Variants in SCARB1 observed in about 807,000 individuals in gnomAD.
SCARB1 encodes the protein scavenger receptor class B member 1.
A neutral mutation model predicts 57.2 loss-of-function variants in SCARB1; 30 were observed. The observed-to-expected ratio is 0.52, with a 90% CI of 0.39 to 0.71. The LOEUF is 0.71. Among genes scored for constraint, SCARB1 ranks in the 30% least tolerant of loss-of-function variants. SCARB1 has a pLI of 0.00. For missense variants in SCARB1, 543 were observed against 671.2 expected (o/e 0.81, Z 2.11); for synonymous variants, 249 against 268.3 (o/e 0.93, Z 0.70).
rs749126956 is a variant in SCARB1, at chr12:124,778,507, G to A, written c.*80C>T. ...GGGGGGCTGTCCGCTGGGAGAGTCC[G>A]GGAGAAGCGGGGTGTAGGGGCTGGG... On this transcript the variant is annotated 3_prime_UTR_variant, in exon 13 of 13. Coordinates refer to ENST00000261693, the MANE Select transcript of SCARB1 (RefSeq NM_005505.5). 1.0e-5 allele frequency: 14 copies of A among 1,357,908 alleles called. No individual in the cohort carries two copies. In the East Asian group the frequency reaches 1.8e-4, roughly 18 times the overall value. 84.1% of individuals were successfully genotyped at this position (1,357,908 alleles called of 1,614,324 possible).
At chr12:124,863,521 C>T in intron 1 of SCARB1, 74 bp downstream of exon 1, 2 of 1,515,634 alleles carry the variant, frequency 1.3e-6, no homozygotes, top group Non-Finnish European at 1.8e-6. Context: ...CACCGCAACG[C>T]GCGGGTCCTC....
intron 8 of SCARB1, among the ~76,000 whole-genome samples, chr12:124,799,148 T>G (rs2135592914): frequency 6.6e-6 from 1 of 152,350 alleles, no homozygotes; most frequent in East Asian, 1.9e-4. Flanking sequence ...TTGGCTTGAT[T>G]TAGGTATTCC....
rs1170462200 is a variant in SCARB1 at position 124,813,493 on chromosome 12, T to C, written c.630+709A>G. Among the ~76,000 whole-genome samples, 3 of 152,014 alleles carry C rather than the reference T, an allele frequency of 2.0e-5. No individual in the cohort carries two copies. In the East Asian group the frequency reaches 5.8e-4, roughly 29 times the overall value. ...CTACCGCTAGACTTTTCTTGTGAGG[T>C]TTTCATTATATGCAGTCAAACGTAG... On this transcript the variant is annotated intron_variant, in intron 4 of 12. Coordinates refer to ENST00000261693, the MANE Select transcript of SCARB1 (RefSeq NM_005505.5).
intron 1 of SCARB1, among the ~76,000 whole-genome samples, chr12:124,833,404 G>T (rs756575416): frequency 3.3e-5 from 5 of 152,052 alleles, no homozygotes; most frequent in Non-Finnish European, 4.4e-5. Context: ...TGCCCAAGCT[G>T]GTCTTCAACT....
rs1322292873 is a variant in SCARB1 at position 124,796,059 on chromosome 12, T to C, written c.1129-791A>G. ...ACCTCTGCCTCCTGAGTTCAAGCGA[T>C]TGTCCTGCCTCAGCCTCCCCAGTAG... On this transcript the variant is annotated intron_variant, in intron 8 of 12. Transcript: ENST00000261693. This position sits in a 1 kb window ranked among gnomAD's most constrained non-coding sequence, Gnocchi z 4.0. 6.6e-6 allele frequency among the ~76,000 whole-genome samples: 1 copy of C among 152,234 alleles called. No homozygotes were observed. The highest frequency in any genetic ancestry group is 1.5e-5 in the Non-Finnish European group (1 of 68,038).
intron 7 of SCARB1, among the ~76,000 whole-genome samples, chr12:124,801,532 C>T (rs187185310): frequency 2.0e-4 from 31 of 152,294 alleles, no homozygotes; most frequent in Non-Finnish European, 2.6e-4. Context: ...CCTGTAATCC[C>T]AACTCTTTGG....
chr12:124,781,999 G>T (rs773913854), intron 12 of SCARB1, among the ~76,000 whole-genome samples: 6 of 152,060 alleles, frequency 3.9e-5, no homozygotes, highest in Non-Finnish European at 8.8e-5. Flanking sequence ...TCCATCTCCC[G>T]GGTTCAAGCG....
chr12:124,827,478 A>G (rs1476106875), intron 1 of SCARB1, among the ~76,000 whole-genome samples: 1 of 152,006 alleles, frequency 6.6e-6, no homozygotes. Context: ...TCGTCTAGCT[A>G]TTTATCTTAC....
rs1305838754 is a variant in SCARB1, at chr12:124,796,572, CAGAG to C, written c.1129-1308_1129-1305del. ...GAGAGTCGCGTCCTCATCTGTAAAA[CAGAG>C]AGAACTCTCCCGACCTGACAGAATT... On this transcript the variant is annotated intron_variant, in intron 8 of 12. Coordinates refer to ENST00000261693, the MANE Select transcript of SCARB1 (RefSeq NM_005505.5). This position sits in a 1 kb window ranked among gnomAD's most constrained non-coding sequence, Gnocchi z 4.0. 2.0e-5 allele frequency among the ~76,000 whole-genome samples: 3 copies of C among 152,176 alleles called. No individual in the cohort carries two copies. The highest frequency in any genetic ancestry group is 4.4e-5 in the Non-Finnish European group (3 of 68,032).
intron 1 of SCARB1, among the ~76,000 whole-genome samples, chr12:124,849,252 GT>G (rs1261335524): frequency 2.6e-5 from 4 of 152,148 alleles, no homozygotes; most frequent in African/African-American, 9.7e-5. Flanking sequence ...ACACTGCAGG[GT>G]AAACCCAGTG....
chr12:124,808,457 C>T (rs1001830250), intron 6 of SCARB1, among the ~76,000 whole-genome samples: 1 of 152,196 alleles, frequency 6.6e-6, no homozygotes, highest in Non-Finnish European at 1.5e-5. Context: ...CTTCCTGTGC[C>T]CAGGGCCTCC....
chr12:124,817,353 T>TAAA lies in SCARB1; in HGVS notation c.284+194_284+196dup, dbSNP rs60063887. The stretch of plus-strand genomic sequence containing the variant: ...GGGCAACATAGCAAGATCCCATCTC[T>TAAA]AAAAAAAAAAAAAAAAAAAAAAAAA... On this transcript the variant is annotated intron_variant, in intron 2 of 12. Transcript: ENST00000261693. The surrounding 1 kb of genome is among the most constrained non-coding windows in gnomAD (Gnocchi z 4.8). Among the ~76,000 whole-genome samples, 143 of 68,766 alleles carry TAAA rather than the reference T, an allele frequency of 2.1e-3. 1 individual carries two copies. The highest frequency in any genetic ancestry group is 3.2e-3 in the Non-Finnish European group (121 of 37,542). 45.1% of individuals were successfully genotyped at this position (68,766 alleles called of 152,430 possible). A position where few individuals can be genotyped will look rare whatever the true frequency, so the allele number is the denominator to read the frequency against.
chr12:124,850,931 C>A (rs1386710025), intron 1 of SCARB1, among the ~76,000 whole-genome samples: 2 of 152,178 alleles, frequency 1.3e-5, no homozygotes, highest in Admixed American at 6.5e-5. Flanking sequence ...TTTTGGGAAC[C>A]ACCCTACTCC....
At chr12:124,792,721 C>CAAAAAAA (rs930596389) in intron 9 of SCARB1, among the ~76,000 whole-genome samples, 7 of 31,728 alleles carry the variant, frequency 2.2e-4, no homozygotes, top group African/African-American at 5.2e-4. Flanking sequence ...GACTTCGTCT[C>CAAAAAAA]AAAAAAAAAA....
chr12:124,845,394 A>G (rs1175298478), intron 1 of SCARB1, among the ~76,000 whole-genome samples: 1 of 152,188 alleles, frequency 6.6e-6, no homozygotes, highest in Non-Finnish European at 1.5e-5. Context: ...GCATGATTTC[A>G]TTTATAAGAA....
chr12:124,782,586 C>A, intron 12 of SCARB1, 97 bp downstream of exon 12: 1 of 1,236,180 alleles, frequency 8.1e-7, no homozygotes, highest in East Asian at 2.3e-5. Context: ...GAAGTTGAGG[C>A]TGAAGGAATG....
At chr12:124,860,662 G>A (rs146702349) in intron 1 of SCARB1, among the ~76,000 whole-genome samples, 25 of 152,300 alleles carry the variant, frequency 1.6e-4, no homozygotes, top group African/African-American at 6.0e-4. Context: ...TGCTCCCAAG[G>A]CCCCACTTCT....
Position 124,800,298 on chromosome 12 carries a change from G to T in SCARB1, c.1010-56C>A. The T allele has an allele frequency of 1.5e-6, 2 of 1,377,898 alleles. No homozygotes were observed. Among genetic ancestry groups the T allele is most frequent in the Non-Finnish European group, 2.1e-6 (2 of 971,514 alleles). 85.4% of individuals were successfully genotyped at this position (1,377,898 alleles called of 1,614,324 possible). A position where few individuals can be genotyped will look rare whatever the true frequency, so the allele number is the denominator to read the frequency against. On this transcript the variant is annotated intron_variant, in intron 7 of 12. Coordinates refer to ENST00000261693, the MANE Select transcript of SCARB1 (RefSeq NM_005505.5). The surrounding 1 kb of genome is among the most constrained non-coding windows in gnomAD (Gnocchi z 4.8). ...CAAGGACAGTATATTGGCAGGTCCTGCCAGGCCGGAGGTCTGCACAGAGCT... is the reference window on the plus strand; with the variant it reads ...CAAGGACAGTATATTGGCAGGTCCTTCCAGGCCGGAGGTCTGCACAGAGCT...
intron 1 of SCARB1, among the ~76,000 whole-genome samples, chr12:124,837,513 A>G (rs1426141099): frequency 0.011 from 1,246 of 116,986 alleles, 57 homozygotes; most frequent in African/African-American, 0.035. Flanking sequence ...GGGAGAAAAA[A>G]GAAAAGAAAG....
Sources: gnomAD v4.1 joint callset for allele counts (sites outside exome capture counted in the v4.1 genomes callset) on GRCh38, gnomAD v4.1.1 for gene constraint, Gnocchi (gnomAD v3.1) non-coding constraint, MANE v1.5 for transcripts, NCBI Gene and HGNC (gene_info 2026-07-23, HGNC 2026-07-21) for gene names.